Variants in KANSL1 observed in about 807,000 individuals in gnomAD.
KANSL1 encodes KAT8 regulatory NSL complex subunit 1, also known as MLL1/MLL complex subunit KANSL1.
A neutral mutation model predicts 103.6 loss-of-function variants in KANSL1; 22 were observed. That is an observed-to-expected ratio of 0.21 (90% CI 0.15 to 0.30). KANSL1 has a LOEUF of 0.30. Among genes scored for constraint, KANSL1 ranks in the 10% least tolerant of loss-of-function variants. The probability of loss-of-function intolerance (pLI) is 1.00; values close to 1 mark genes in which losing one functional copy is unlikely to be tolerated. For synonymous variants in KANSL1, 600 were observed against 527.6 expected (o/e 1.14, Z -1.88); for missense variants, 1,337 against 1,399.8 (o/e 0.96, Z 0.72).
At chr17:46,092,737 G>GGT (rs2079457038) in intron 3 of KANSL1, 7 of 99,748 alleles carry the variant, frequency 7.0e-5, no homozygotes, top group African/African-American at 1.5e-4. Flanking sequence ...GGGAGGGTGG[G>GGT]TGTCTTTTAT....
chr17:46,162,250 C>G (rs949647138), intron 2 of KANSL1, among the ~76,000 whole-genome samples: 2 of 152,182 alleles, frequency 1.3e-5, no homozygotes, highest in Non-Finnish European at 2.9e-5. Context: ...TGAATTTCTA[C>G]CCAGCTTGCA....
At chr17:46,178,592 T>C (rs1455172207) in intron 1 of KANSL1, among the ~76,000 whole-genome samples, 2 of 152,234 alleles carry the variant, frequency 1.3e-5, no homozygotes, top group African/African-American at 4.8e-5. Flanking sequence ...AGGCTACCTA[T>C]TCAAGGTCAT....
At chr17:46,095,849 T>A (rs74521229) in intron 2 of KANSL1, among the ~76,000 whole-genome samples, 3 of 152,024 alleles carry the variant, frequency 2.0e-5, no homozygotes, top group Non-Finnish European at 4.4e-5. Flanking sequence ...AAGACAATCT[T>A]AACAGAAATA....
chr17:46,096,688 G>A (rs542654196), intron 2 of KANSL1, among the ~76,000 whole-genome samples: 29 of 151,242 alleles, frequency 1.9e-4, no homozygotes, highest in African/African-American at 7.1e-4. Context: ...GCATGATCTC[G>A]GCTCACTGCA....
intron 2 of KANSL1, among the ~76,000 whole-genome samples, chr17:46,152,570 C>T (rs899142691): frequency 1.7e-5 from 2 of 120,534 alleles, no homozygotes; most frequent in East Asian, 5.0e-4. Context: ...CTAATACTGA[C>T]AATAGACACA....
intron 1 of KANSL1, among the ~76,000 whole-genome samples, chr17:46,185,133 G>A (rs1285697124): frequency 8.2e-4 from 125 of 152,238 alleles, no homozygotes; most frequent in Non-Finnish European, 2.9e-5. Context: ...GGCCAACTAT[G>A]TACTTCTTAA....
chr17:46,111,969 AATACAATAATGTTTACT>A (rs2042828954), intron 2 of KANSL1, among the ~76,000 whole-genome samples: 1 of 152,264 alleles, frequency 6.6e-6, no homozygotes, highest in Non-Finnish European at 1.5e-5. Flanking sequence ...CGAGAGCACC[AATACAATAATGTTTACT>A]ATCAAGGTAA....
At chr17:46,148,585 C>G (rs1031426131) in intron 2 of KANSL1, among the ~76,000 whole-genome samples, 5 of 150,572 alleles carry the variant, frequency 3.3e-5, no homozygotes, top group African/African-American at 9.7e-5. Flanking sequence ...TCCTCCTTCA[C>G]TTACCTTTTT....
In KANSL1 at chr17:46,033,108, T is replaced by C; in HGVS notation, c.2809A>G (p.Ser937Gly). 6.3e-7 allele frequency: 1 copy of C among 1,598,016 alleles called. No individual in the cohort carries two copies. Among genetic ancestry groups the C allele is most frequent in the Non-Finnish European group, 8.5e-7 (1 of 1,171,854 alleles). Residue 937 changes from serine to glycine, a missense_variant, in exon 13 of 15, where the codon AGT becomes GGT. Around this residue, in one of 2 missense-constraint regions of KANSL1, gnomAD observed 780 missense variants for 923.4 expected, o/e 0.84. Coordinates refer to ENST00000432791, the MANE Select transcript of KANSL1 (RefSeq NM_015443.4). The part of the protein sequence containing the change: ...MERARWLWTT[S>G]VPPQRRGSRS... Reference sequence around the variant, plus strand: ...CTGCCCCGCCGCTGGGGTGGCACACTCGTGGTCCACAGCCACCGTGCCCTC... The same window carrying C: ...CTGCCCCGCCGCTGGGGTGGCACACCCGTGGTCCACAGCCACCGTGCCCTC...
At chr17:46,133,296 C>A (rs2043959120) in intron 2 of KANSL1, among the ~76,000 whole-genome samples, 1 of 152,226 alleles carries the variant, frequency 6.6e-6, no homozygotes, top group African/African-American at 2.4e-5. Flanking sequence ...GACTTCCCCA[C>A]CCAAGGGCAT....
intron 1 of KANSL1, among the ~76,000 whole-genome samples, chr17:46,188,243 C>G (rs1159962314): frequency 6.6e-6 from 1 of 152,150 alleles, no homozygotes; most frequent in Non-Finnish European, 1.5e-5. Flanking sequence ...GGATATTTGT[C>G]TTTTCTAATT....
chr17:46,117,437 T>G (rs1394591582), intron 2 of KANSL1, among the ~76,000 whole-genome samples: 1 of 152,228 alleles, frequency 6.6e-6, no homozygotes, highest in Non-Finnish European at 1.5e-5. Context: ...CACTGATGTA[T>G]CCACACCATT....
At chr17:46,032,591 A>G (rs904546402) in intron 13 of KANSL1, 8 of 391,298 alleles carry the variant, frequency 2.0e-5, no homozygotes, top group African/African-American at 1.5e-4. Flanking sequence ...AACTGTAGTC[A>G]AAGAAAAAAA....
chr17:46,073,837 G>T (rs1436179999), intron 4 of KANSL1, among the ~76,000 whole-genome samples: 1 of 152,174 alleles, frequency 6.6e-6, no homozygotes, highest in Non-Finnish European at 1.5e-5. Flanking sequence ...GTTAGCAAAT[G>T]TGTTTTTCAC....
chr17:46,050,388 T>C, intron 7 of KANSL1, 145 bp downstream of exon 7: 1 of 783,014 alleles, frequency 1.3e-6, no homozygotes, highest in South Asian at 1.9e-5. Context: ...TACAGTCTTT[T>C]TGCAAAATTC....
In KANSL1 at chr17:46,082,466, T is replaced by C. The variant is rs1189317854; in HGVS notation, c.1508A>G (p.Lys503Arg). Reference sequence around the variant, plus strand: ...CAATTTATCAGTCCCATGATCTGTCTTCACCTCAGAACTAAGTGGAAGAAA... The same window carrying C: ...CAATTTATCAGTCCCATGATCTGTCCTCACCTCAGAACTAAGTGGAAGAAA... Reference protein sequence around the residue: ...DLFLPLSSEVKTDHGTDKLIE... With the variant: ...DLFLPLSSEVRTDHGTDKLIE... The change falls in exon 4 of 15, where the codon AAG becomes AGG. Residue 503 changes from lysine to arginine, a missense_variant. Physicochemically the swap from Lys to Arg is conservative, Grantham distance 26. Transcript: ENST00000432791. 6.2e-7 allele frequency: 1 copy of C among 1,611,596 alleles called. No homozygotes were observed. The highest frequency in any genetic ancestry group is 1.7e-5 in the Admixed American group (1 of 59,970).
intron 2 of KANSL1, among the ~76,000 whole-genome samples, chr17:46,133,974 G>C (rs765708374): frequency 7.2e-5 from 11 of 152,206 alleles, no homozygotes; most frequent in African/African-American, 2.4e-4. Context: ...TAGAAGACTA[G>C]GAATGGGAGT....
chr17:46,133,577 C>T (rs2043974716), intron 2 of KANSL1, among the ~76,000 whole-genome samples: 1 of 152,206 alleles, frequency 6.6e-6, no homozygotes, highest in African/African-American at 2.4e-5. Context: ...ATTCTCTACT[C>T]CCAAGAGCCT....
At chr17:46,060,897 A>C (rs1019895535) in intron 6 of KANSL1, among the ~76,000 whole-genome samples, 1 of 152,246 alleles carries the variant, frequency 6.6e-6, no homozygotes, top group Non-Finnish European at 1.5e-5. Flanking sequence ...TATGGAAGCC[A>C]GCTTTAAAAT....
Sources: gnomAD v4.1 joint callset for allele counts (sites outside exome capture counted in the v4.1 genomes callset) on GRCh38, gnomAD v4.1.1 for gene constraint, gnomAD v4.1.1 regional missense constraint, MANE v1.5 for transcripts, NCBI Gene and HGNC (gene_info 2026-07-23, HGNC 2026-07-21) for gene names.